Variants in PALM2AKAP2 observed in about 807,000 individuals in gnomAD.
PALM2AKAP2 encodes the protein PALM2 and AKAP2 fusion.
PALM2AKAP2 carries 37 observed loss-of-function variants against 71.5 expected under a neutral mutation model. The ratio of observed to expected loss-of-function variants is 0.52; its 90% CI spans 0.40 to 0.68. The LOEUF (loss-of-function observed/expected upper bound fraction) is 0.68. Among genes scored for constraint, PALM2AKAP2 ranks in the 30% least tolerant of loss-of-function variants. PALM2AKAP2 has a pLI of 0.00. For missense variants in PALM2AKAP2, 1,224 were observed against 1,191.8 expected, an observed-to-expected ratio of 1.03 and a Z score of -0.40; for synonymous variants, 468 against 478.8, an observed-to-expected ratio of 0.98 and a Z score of 0.29.
At chr9:109,837,228 A>G (rs1828506650) in intron 1 of PALM2AKAP2, among the ~76,000 whole-genome samples, 1 of 152,232 alleles carries the variant, frequency 6.6e-6, no homozygotes, top group Non-Finnish European at 1.5e-5. Context: ...AATATTCAAC[A>G]TTCTTAAAGA....
chr9:109,889,197 AG>A (rs1830033546), intron 3 of PALM2AKAP2, among the ~76,000 whole-genome samples: 1 of 152,266 alleles, frequency 6.6e-6, no homozygotes, highest in African/African-American at 2.4e-5. Flanking sequence ...AGAGTTAAAA[AG>A]AAATAGTTGC....
intron 1 of PALM2AKAP2, among the ~76,000 whole-genome samples, chr9:109,860,604 C>A (rs1378722187): frequency 6.6e-6 from 1 of 152,204 alleles, no homozygotes; most frequent in Non-Finnish European, 1.5e-5. Flanking sequence ...TCAAGATTCT[C>A]TTTTCCTGAT....
chr9:110,122,791 G>A (rs550898166), intron 1 of PALM2AKAP2, among the ~76,000 whole-genome samples: 6 of 152,242 alleles, frequency 3.9e-5, no homozygotes, highest in African/African-American at 9.6e-5. Flanking sequence ...ATCAGGTTAC[G>A]GCAAAACAGT....
chr9:109,877,590 C>T (rs1829747498), intron 2 of PALM2AKAP2, among the ~76,000 whole-genome samples: 1 of 152,164 alleles, frequency 6.6e-6, no homozygotes, highest in Admixed American at 6.5e-5. Context: ...ACAGGATGGA[C>T]AACAACAATA....
chr9:109,820,601 C>T (rs545194516), intron 1 of PALM2AKAP2, among the ~76,000 whole-genome samples: 1 of 152,328 alleles, frequency 6.6e-6, no homozygotes, highest in Non-Finnish European at 1.5e-5. Flanking sequence ...TCCAGTCACT[C>T]ACAGTGACTT....
chr9:110,111,654 G>C (rs1303835738), intron 1 of PALM2AKAP2, among the ~76,000 whole-genome samples: 2 of 152,186 alleles, frequency 1.3e-5, no homozygotes, highest in Non-Finnish European at 2.9e-5. Flanking sequence ...CTGAGGTTTT[G>C]CAAGTGATCA....
intron 1 of PALM2AKAP2, among the ~76,000 whole-genome samples, chr9:109,738,003 G>C (rs1390822236): frequency 1.3e-5 from 2 of 152,148 alleles, no homozygotes; most frequent in Middle Eastern, 3.2e-3. Flanking sequence ...CTTCCAGATG[G>C]CAAGAGGCAC....
chr9:109,718,333 G>T (rs1045756694), intron 1 of PALM2AKAP2, among the ~76,000 whole-genome samples: 4 of 152,068 alleles, frequency 2.6e-5, no homozygotes, highest in Admixed American at 6.6e-5. Flanking sequence ...ACCTGCCTCG[G>T]TCTCCCAAAG....
At chr9:109,692,064 A>C (rs549860775) in intron 1 of PALM2AKAP2, among the ~76,000 whole-genome samples, 98 of 149,046 alleles carry the variant, frequency 6.6e-4, no homozygotes, top group African/African-American at 2.4e-3. Flanking sequence ...TAAGTATTTA[A>C]ATTTTTTTAA....
chr9:109,676,474 A>T (rs1827650823), intron 1 of PALM2AKAP2, among the ~76,000 whole-genome samples: 3 of 152,204 alleles, frequency 2.0e-5, no homozygotes, highest in Admixed American at 1.3e-4. Context: ...TTTTACTGCA[A>T]TCATTGAGAC....
intron 6 of PALM2AKAP2, among the ~76,000 whole-genome samples, chr9:109,969,011 A>G (rs140475828): frequency 5.3e-5 from 8 of 152,194 alleles, no homozygotes; most frequent in African/African-American, 1.9e-4. Flanking sequence ...AAGCAACTGA[A>G]CAGAACAGCT....
intron 1 of PALM2AKAP2, among the ~76,000 whole-genome samples, chr9:109,836,943 G>T (rs1297882312): frequency 2.0e-5 from 3 of 152,174 alleles, no homozygotes; most frequent in African/African-American, 7.2e-5. Context: ...GAACCAAATT[G>T]GAAAACACTC....
intron 2 of PALM2AKAP2, among the ~76,000 whole-genome samples, chr9:109,876,122 G>C (rs1466778273): frequency 6.6e-6 from 1 of 151,916 alleles, no homozygotes; most frequent in Non-Finnish European, 1.5e-5. Flanking sequence ...GACAATAAAG[G>C]CCACAAACAG....
At chr9:110,104,196 G>GGGGGGGT (rs1780913226) in intron 1 of PALM2AKAP2, among the ~76,000 whole-genome samples, 1 of 56,666 alleles carries the variant, frequency 1.8e-5, no homozygotes, top group Non-Finnish European at 3.5e-5. Flanking sequence ...GGGCGGGGGG[G>GGGGGGGT]TAAGGTATCG....
At chr9:109,727,479 A>ATTT (rs1828492717) in intron 1 of PALM2AKAP2, among the ~76,000 whole-genome samples, 8 of 32,808 alleles carry the variant, frequency 2.4e-4, no homozygotes, top group African/African-American at 6.2e-4. Context: ...AACATTAAAA[A>ATTT]ATTATTTTAT....
intron 3 of PALM2AKAP2, among the ~76,000 whole-genome samples, chr9:109,893,426 A>T (rs1830130437): frequency 6.8e-6 from 1 of 146,064 alleles, no homozygotes; most frequent in Non-Finnish European, 1.5e-5. Context: ...GGCTAGAGTT[A>T]TCTCAGCAGG....
At chr9:109,966,068 G>A (rs971980127) in intron 6 of PALM2AKAP2, among the ~76,000 whole-genome samples, 3 of 152,174 alleles carry the variant, frequency 2.0e-5, no homozygotes, top group African/African-American at 7.2e-5. Context: ...ATTTGGGATG[G>A]GGTTTCAAGG....
intron 1 of PALM2AKAP2, among the ~76,000 whole-genome samples, chr9:109,745,487 A>AGTGTGT (rs199950779): frequency 2.7e-4 from 39 of 146,918 alleles, no homozygotes; most frequent in Non-Finnish European, 4.2e-4. Context: ...AGTGGCTGTC[A>AGTGTGT]GTGTGTGTGT....
intron 6 of PALM2AKAP2, among the ~76,000 whole-genome samples, chr9:109,951,229 T>C (rs1379499575): frequency 1.4e-5 from 2 of 148,144 alleles, no homozygotes; most frequent in Non-Finnish European, 3.0e-5. Flanking sequence ...ATACTTTCAT[T>C]TGTGGTTGGT....
Sources: gnomAD v4.1 joint callset for allele counts (sites outside exome capture counted in the v4.1 genomes callset) on GRCh38, gnomAD v4.1.1 for gene constraint, MANE v1.5 for transcripts, NCBI Gene and HGNC (gene_info 2026-07-23, HGNC 2026-07-21) for gene names.